Variants in RIMKLA observed in about 807,000 individuals in gnomAD.
RIMKLA encodes N-acetylaspartylglutamate synthase A.
A neutral mutation model predicts 32.7 loss-of-function variants in RIMKLA; 14 were observed. The ratio of observed to expected loss-of-function variants is 0.43; its 90% CI spans 0.28 to 0.67. RIMKLA has a LOEUF of 0.67. Ranked by LOEUF, RIMKLA falls within the 30% of genes least tolerant of loss-of-function variation. The pLI, the probability that RIMKLA is intolerant of heterozygous loss-of-function variation, is 0.18. For missense variants in RIMKLA, 410 were observed against 519.0 expected (o/e 0.79, Z 2.04); for synonymous variants, 176 against 204.1 (o/e 0.86, Z 1.18).
intron 1 of RIMKLA, among the ~76,000 whole-genome samples, chr1:42,384,553 GTGTA>G (rs71815586): frequency 0.033 from 4,885 of 146,904 alleles, 253 homozygotes; most frequent in African/African-American, 0.11. Context: ...ATATATATGT[GTGTA>G]TATATACATA....
chr1:42,385,796 T>C (rs1642933598), intron 1 of RIMKLA, among the ~76,000 whole-genome samples: 1 of 115,322 alleles, frequency 8.7e-6, no homozygotes, highest in African/African-American at 3.1e-5. Flanking sequence ...TGTTTCTTTC[T>C]TTCTCTCTCT....
chr1:42,394,451 T>C (rs1181536018), intron 1 of RIMKLA, among the ~76,000 whole-genome samples: 1 of 152,232 alleles, frequency 6.6e-6, no homozygotes, highest in African/African-American at 2.4e-5. Flanking sequence ...TCCAAGGATC[T>C]GTATTATAAG....
intron 4 of RIMKLA, chr1:42,412,668 T>C: frequency 4.1e-6 from 2 of 487,874 alleles, no homozygotes; most frequent in South Asian, 3.0e-5. Context: ...AACGTAACTA[T>C]GCTTTGTCAT....
rs537074772 is a variant in RIMKLA, at chr1:42,420,686, T to C, written c.*5712T>C. 2.6e-5 allele frequency: 4 copies of C among 152,264 alleles called. No individual in the cohort carries two copies. The South Asian group carries it at 6.2e-4, about 24-fold the overall frequency. The allele number at this position is 152,264 out of a possible 1,614,324, so 9.4% of individuals were successfully genotyped here. ...AAGGTGATGCATTTTTAATTCCCAC[T>C]GCACAAGCCAGGCATCACAATGACC... On this transcript the variant is annotated 3_prime_UTR_variant, in exon 5 of 5. Transcript: ENST00000431473.
intron 1 of RIMKLA, among the ~76,000 whole-genome samples, chr1:42,386,493 G>A (rs1642948346): frequency 6.6e-6 from 1 of 151,832 alleles, no homozygotes; most frequent in South Asian, 2.1e-4. Context: ...GATTATAATT[G>A]TTTTTTGGTT....
Position 42,418,578 on chromosome 1 carries a change from A to C in RIMKLA, c.*3604A>C, listed in dbSNP as rs1349905500. 2.0e-5 allele frequency: 3 copies of C among 152,378 alleles called. No individual in the cohort carries two copies. The East Asian group carries it at 5.8e-4, about 29-fold the overall frequency. 9.4% of individuals were successfully genotyped at this position (152,378 alleles called of 1,614,324 possible). A position where few individuals can be genotyped will look rare whatever the true frequency, so the allele number is the denominator to read the frequency against. ...GGCTCTTCTGTGGGCTGTTTTAATG[A>C]AAGAATCATGAATATGTATTGATCA... On this transcript the variant is annotated 3_prime_UTR_variant, in exon 5 of 5. Coordinates refer to ENST00000431473, the MANE Select transcript of RIMKLA (RefSeq NM_173642.4).
intron 2 of RIMKLA, among the ~76,000 whole-genome samples, chr1:42,400,536 T>C (rs1304875154): frequency 6.6e-6 from 1 of 152,162 alleles, no homozygotes; most frequent in Non-Finnish European, 1.5e-5. Context: ...TAATAGGACA[T>C]GATGATTGAT....
chr1:42,393,898 C>T (rs561747973), intron 1 of RIMKLA, among the ~76,000 whole-genome samples: 27 of 152,324 alleles, frequency 1.8e-4, no homozygotes, highest in African/African-American at 6.5e-4. Flanking sequence ...AATTCTCCTG[C>T]CTCAGCCTCC....
intron 4 of RIMKLA, chr1:42,412,312 G>A (rs1220597775): frequency 5.7e-6 from 1 of 175,614 alleles, no homozygotes; most frequent in Non-Finnish European, 1.2e-5. Flanking sequence ...ACAGGATTTT[G>A]TCTCAGTCCT....
intron 1 of RIMKLA, among the ~76,000 whole-genome samples, chr1:42,385,513 C>A (rs1642927973): frequency 6.6e-6 from 1 of 152,136 alleles, no homozygotes; most frequent in African/African-American, 2.4e-5. Context: ...AGCTAAATGG[C>A]AAATTCTAGG....
At chr1:42,388,323 G>T (rs1642967960) in intron 1 of RIMKLA, among the ~76,000 whole-genome samples, 1 of 152,024 alleles carries the variant, frequency 6.6e-6, no homozygotes, top group Non-Finnish European at 1.5e-5. Flanking sequence ...TCCTGCCTCA[G>T]CCTCTCTAGT....
At chr1:42,386,056 GGACT>G (rs894851365) in intron 1 of RIMKLA, among the ~76,000 whole-genome samples, 3 of 151,562 alleles carry the variant, frequency 2.0e-5, no homozygotes, top group Admixed American at 2.0e-4. Flanking sequence ...CGAGTATCTG[GGACT>G]ACAGGCATGT....
At chr1:42,391,208 G>C (rs142977495) in intron 1 of RIMKLA, among the ~76,000 whole-genome samples, 39 of 152,294 alleles carry the variant, frequency 2.6e-4, no homozygotes, top group African/African-American at 8.2e-4. Context: ...TCAAGACATT[G>C]AGAGTCCTTG....
intron 1 of RIMKLA, among the ~76,000 whole-genome samples, chr1:42,385,883 T>C (rs764123361): frequency 4.0e-4 from 36 of 90,218 alleles, no homozygotes; most frequent in African/African-American, 9.4e-4. Flanking sequence ...TCTTTCTTTC[T>C]TTCTTTCTTT....
chr1:42,412,785 C>A, intron 4 of RIMKLA: 1 of 293,024 alleles, frequency 3.4e-6, no homozygotes, highest in South Asian at 2.8e-5. Flanking sequence ...AGGACATTGA[C>A]ATGCATCATT....
At chr1:42,398,613 A>G (rs1643067346) in intron 1 of RIMKLA, among the ~76,000 whole-genome samples, 1 of 152,176 alleles carries the variant, frequency 6.6e-6, no homozygotes, top group African/African-American at 2.4e-5. Context: ...ATTATTTATA[A>G]TTTTATATCC....
chr1:42,389,669 C>A (rs1409311635), intron 1 of RIMKLA, among the ~76,000 whole-genome samples: 1 of 151,976 alleles, frequency 6.6e-6, no homozygotes, highest in African/African-American at 2.4e-5. Flanking sequence ...AAAAATTTAG[C>A]CGGGCGTGGT....
intron 2 of RIMKLA, among the ~76,000 whole-genome samples, chr1:42,402,091 A>G (rs1275382863): frequency 6.6e-6 from 1 of 152,202 alleles, no homozygotes; most frequent in Non-Finnish European, 1.5e-5. Context: ...GCCCCTAATT[A>G]CGTTCACGGC....
intron 1 of RIMKLA, among the ~76,000 whole-genome samples, chr1:42,398,944 G>C (rs1643070681): frequency 6.9e-6 from 1 of 145,906 alleles, no homozygotes; most frequent in Non-Finnish European, 1.5e-5. Context: ...TCTAACCTGG[G>C]TGACAGAGTA....
Sources: allele counts gnomAD v4.1 joint callset (sites outside exome capture counted in the v4.1 genomes callset), GRCh38; gene constraint gnomAD v4.1.1; transcripts MANE v1.5; gene names NCBI Gene and HGNC (gene_info 2026-07-23, HGNC 2026-07-21).